Variants in TMTC1 observed in about 807,000 individuals in gnomAD.
The protein encoded by TMTC1 is transmembrane O-mannosyltransferase targeting cadherins 1.
In TMTC1, 73 loss-of-function variants were observed where a neutral mutation model predicts 104.8. The ratio of observed to expected loss-of-function variants is 0.70; its 90% CI spans 0.58 to 0.85. The LOEUF (loss-of-function observed/expected upper bound fraction) is 0.85, where lower values mean the gene tolerates loss of function less well. Ranked by LOEUF, TMTC1 falls within the 40% of genes least tolerant of loss-of-function variation. TMTC1 has a pLI of 0.00. For synonymous variants in TMTC1, 434 were observed against 428.7 expected (o/e 1.01, Z -0.15); for missense variants, 1,035 against 1,096.1 (o/e 0.94, Z 0.79).
intron 5 of TMTC1, among the ~76,000 whole-genome samples, chr12:29,678,983 G>A (rs955747611): frequency 2.0e-5 from 3 of 152,042 alleles, no homozygotes; most frequent in Non-Finnish European, 4.4e-5. Flanking sequence ...ACTCAAATCC[G>A]AAATGCACAG....
At chr12:29,582,939 T>C (rs1474618791) in intron 8 of TMTC1, among the ~76,000 whole-genome samples, 2 of 152,220 alleles carry the variant, frequency 1.3e-5, no homozygotes, top group African/African-American at 4.8e-5. Context: ...GCATCATGAA[T>C]GGCAGTCTCA....
chr12:29,532,057 T>C (rs1233545603), intron 11 of TMTC1, among the ~76,000 whole-genome samples: 5 of 152,102 alleles, frequency 3.3e-5, no homozygotes, highest in African/African-American at 1.2e-4. Context: ...AATGAGAAGG[T>C]TAAAAAAATT....
chr12:29,699,907 G>A (rs970636724), intron 5 of TMTC1, among the ~76,000 whole-genome samples: 1 of 151,946 alleles, frequency 6.6e-6, no homozygotes, highest in Non-Finnish European at 1.5e-5. Context: ...CTCCCAAAAT[G>A]CCGGGATTAC....
At chr12:29,746,754 C>T (rs1213263284) in intron 5 of TMTC1, among the ~76,000 whole-genome samples, 1 of 152,246 alleles carries the variant, frequency 6.6e-6, no homozygotes, top group East Asian at 1.9e-4. Flanking sequence ...TTTATTTGTA[C>T]ACCTATGTGC....
intron 11 of TMTC1, among the ~76,000 whole-genome samples, chr12:29,528,876 T>C (rs1944420531): frequency 6.6e-6 from 1 of 151,756 alleles, no homozygotes; most frequent in Non-Finnish European, 1.5e-5. Flanking sequence ...AACTTAAACA[T>C]AAATAATATA....
chr12:29,697,014 T>C (rs1461683763), intron 5 of TMTC1, among the ~76,000 whole-genome samples: 3 of 152,254 alleles, frequency 2.0e-5, no homozygotes, highest in Non-Finnish European at 2.9e-5. Context: ...TCATTCACTG[T>C]ATAAACTAGA....
chr12:29,710,963 T>G (rs113316038), intron 5 of TMTC1, among the ~76,000 whole-genome samples: 5 of 62,412 alleles, frequency 8.0e-5, no homozygotes, highest in Admixed American at 7.5e-4. Context: ...TATAAATATA[T>G]TAATAATATA....
At chr12:29,559,412 G>A (rs1945324157) in intron 9 of TMTC1, among the ~76,000 whole-genome samples, 1 of 152,148 alleles carries the variant, frequency 6.6e-6, no homozygotes, top group South Asian at 2.1e-4. Flanking sequence ...TATTTCAAAG[G>A]TCACTGACTA....
chr12:29,617,826 A>C (rs891082196), intron 6 of TMTC1, among the ~76,000 whole-genome samples: 6 of 152,168 alleles, frequency 3.9e-5, no homozygotes, highest in African/African-American at 1.4e-4. Flanking sequence ...GTTGGATGGG[A>C]CCAGCACATG....
intron 6 of TMTC1, among the ~76,000 whole-genome samples, chr12:29,629,284 C>T (rs1358475406): frequency 6.6e-6 from 1 of 151,580 alleles, no homozygotes; most frequent in African/African-American, 2.4e-5. Flanking sequence ...TGCGCCAATG[C>T]ACTCCAGCCT....
intron 6 of TMTC1, among the ~76,000 whole-genome samples, chr12:29,623,831 TAAATTA>T (rs1201454420): frequency 1.1e-4 from 7 of 64,160 alleles, no homozygotes; most frequent in East Asian, 1.1e-3. Flanking sequence ...ATAAATAAAT[TAAATTA>T]AATTAAATTA....
At chr12:29,690,608 T>C (rs1941238373) in intron 5 of TMTC1, among the ~76,000 whole-genome samples, 1 of 152,246 alleles carries the variant, frequency 6.6e-6, no homozygotes, top group African/African-American at 2.4e-5. Context: ...TATATGTAAA[T>C]TTATTAACTA....
intron 5 of TMTC1, among the ~76,000 whole-genome samples, chr12:29,694,185 G>A (rs1034739104): frequency 3.9e-5 from 6 of 151,994 alleles, no homozygotes; most frequent in Non-Finnish European, 8.8e-5. Context: ...ATCCATCCCC[G>A]TATCTGACTC....
At chr12:29,630,417 C>A (rs983910717) in intron 6 of TMTC1, among the ~76,000 whole-genome samples, 5 of 152,132 alleles carry the variant, frequency 3.3e-5, no homozygotes, top group African/African-American at 1.2e-4. Context: ...ATCACAAGAA[C>A]AGCATGTGGG....
At chr12:29,674,822 A>T (rs1940662010) in intron 5 of TMTC1, among the ~76,000 whole-genome samples, 1 of 152,228 alleles carries the variant, frequency 6.6e-6, no homozygotes, top group African/African-American at 2.4e-5. Flanking sequence ...ACCATGCCTC[A>T]TGCCCACAGT....
At chr12:29,753,998 C>T (rs557052693) in intron 4 of TMTC1, among the ~76,000 whole-genome samples, 2 of 152,298 alleles carry the variant, frequency 1.3e-5, no homozygotes, top group Admixed American at 6.5e-5. Context: ...TCCCGAGTAG[C>T]TGGGATTACA....
chr12:29,546,015 T>C (rs1944933573), intron 10 of TMTC1, among the ~76,000 whole-genome samples: 1 of 152,166 alleles, frequency 6.6e-6, no homozygotes, highest in Non-Finnish European at 1.5e-5. Flanking sequence ...ACATGTAATT[T>C]TGCAGTAGAA....
At chr12:29,624,925 T>C (rs1937897772) in intron 6 of TMTC1, among the ~76,000 whole-genome samples, 1 of 152,162 alleles carries the variant, frequency 6.6e-6, no homozygotes, top group Non-Finnish European at 1.5e-5. Flanking sequence ...TGATTGAGAA[T>C]CAATCAAAGG....
chr12:29,536,312 T>C lies in TMTC1; in HGVS notation c.1682A>G (p.Gln561Arg), dbSNP rs1944641559. 1.2e-6 allele frequency: 2 copies of C among 1,603,154 alleles called. No individual in the cohort carries two copies. Among genetic ancestry groups the C allele is most frequent in the Non-Finnish European group, 1.7e-6 (2 of 1,172,090 alleles). ...LFNLGNLLKS[Q>R]EKKEEAITLL... is the part of the protein sequence containing the mutation. Reference sequence around the variant, plus strand: ...GGTGATAGCTTCTTCCTTTTTCTCCTGGGACCTATAGATAATAATGAAGGG... The same window carrying C: ...GGTGATAGCTTCTTCCTTTTTCTCCCGGGACCTATAGATAATAATGAAGGG... Residue 561 changes from glutamine (Q) to arginine (R), a missense_variant, in exon 11 of 18, where the codon CAG (glutamine) becomes CGG (arginine). Gln to Arg is a conservative substitution (Grantham distance 43). Transcript: ENST00000539277.
Sources: allele counts gnomAD v4.1 joint callset (sites outside exome capture counted in the v4.1 genomes callset), GRCh38; gene constraint gnomAD v4.1.1; transcripts MANE v1.5; gene names NCBI Gene and HGNC (gene_info 2026-07-23, HGNC 2026-07-21).